OAT: variants seen among roughly 807,000 people sequenced by gnomAD.
The protein encoded by OAT is ornithine aminotransferase, mitochondrial.
In OAT, 35 loss-of-function variants were observed where a neutral mutation model predicts 48.4. The observed-to-expected ratio is 0.72, with a 90% confidence interval of 0.55 to 0.96. OAT has a LOEUF of 0.96. Ranked by LOEUF, OAT falls within the 40% of genes least tolerant of loss-of-function variation. OAT has a pLI of 0.00. For synonymous variants in OAT, 182 were observed against 198.4 expected (o/e 0.92, Z 0.70); for missense variants, 438 against 537.9 (o/e 0.81, Z 1.84).
intron 4 of OAT, 106 bp downstream of exon 4, chr10:124,408,436 T>C: frequency 1.0e-5 from 10 of 958,294 alleles, no homozygotes; most frequent in Admixed American, 2.0e-5. Flanking sequence ...TCCTCCTGCC[T>C]TGGCCTCCCA....
intron 4 of OAT, among the ~76,000 whole-genome samples, chr10:124,406,424 G>A (rs930652876): frequency 6.6e-6 from 1 of 152,146 alleles, no homozygotes; most frequent in Non-Finnish European, 1.5e-5. Flanking sequence ...CCAGGAAGCA[G>A]AGGTTGCTGT....
At chr10:124,408,339 A>T (rs1323051511) in intron 4 of OAT, among the ~76,000 whole-genome samples, 2 of 101,864 alleles carry the variant, frequency 2.0e-5, no homozygotes, top group African/African-American at 3.5e-5. Context: ...ATATATATAT[A>T]TATATTTTTT....
chr10:124,405,944 G>T, intron 4 of OAT: 1 of 1,136,788 alleles, frequency 8.8e-7, no homozygotes, highest in Non-Finnish European at 1.1e-6. Flanking sequence ...AGTGATATGA[G>T]AAAGAATATC....
chr10:124,398,515 A>C (rs1237616269), intron 9 of OAT, among the ~76,000 whole-genome samples: 1 of 152,054 alleles, frequency 6.6e-6, no homozygotes, highest in Admixed American at 6.6e-5. Context: ...CAAAAAAAAA[A>C]GAAAGGGAAG....
intron 4 of OAT, among the ~76,000 whole-genome samples, 192 bp downstream of exon 4, chr10:124,408,343 ATTTTTTT>A (rs146556713): frequency 7.2e-5 from 6 of 83,830 alleles, no homozygotes; most frequent in Admixed American, 1.8e-4. Context: ...ATATATATAT[ATTTTTTT>A]TTTTTTTTTT....
rs121965044 is a variant in OAT, at chr10:124,398,012, G to A, written c.1250C>T (p.Pro417Leu). 6.2e-5 allele frequency: 100 copies of A among 1,613,872 alleles called. No homozygotes were observed. Among genetic ancestry groups the A allele is most frequent in the Non-Finnish European group, 7.5e-5 (88 of 1,179,946 alleles). Residue 417 changes from proline (P) to leucine (L), a missense_variant, in exon 10 of 10, where the codon CCG becomes CTG. Transcript: ENST00000368845. ...AAGCTCATCCTCCTTGATCACCAGC[G>A]GAGGCGCAAACCTGATAATGTCGCC... Reference protein sequence around the residue: ...THGDIIRFAPPLVIKEDELRE... With the variant: ...THGDIIRFAPLLVIKEDELRE...
At chr10:124,401,943 G>A (rs564623430) in intron 7 of OAT, 104 bp from the exon 8 acceptor site, 49 of 818,258 alleles carry the variant, frequency 6.0e-5, no homozygotes, top group Middle Eastern at 2.2e-4. Context: ...GTGCAGTGGC[G>A]TGATCTCAGC....
Position 124,408,061 on chromosome 10 carries a change from T to C in OAT, c.520+481A>G, listed in dbSNP as rs1373415076. On this transcript the variant is annotated intron_variant, in intron 4 of 9. Transcript: ENST00000368845. The stretch of plus-strand genomic sequence containing the variant: ...TATCTAATTAACTGGATAACTGCTA[T>C]GAAAAAAATCTGACAGGCAAATGAG... Among the ~76,000 whole-genome samples the C allele has an allele frequency of 2.0e-5, 3 of 151,788 alleles. No individual in the cohort carries two copies. In the East Asian group the frequency reaches 5.8e-4, roughly 29 times the overall value.
At chr10:124,416,966 A>C (rs1220971234) in intron 1 of OAT, among the ~76,000 whole-genome samples, 2 of 152,012 alleles carry the variant, frequency 1.3e-5, no homozygotes, top group Non-Finnish European at 2.9e-5. Flanking sequence ...GCAAACAACT[A>C]GTTTTACTAC....
rs1228669055 is a variant in OAT, at chr10:124,397,356, A to AT, written c.*585dup. The AT allele has an allele frequency of 2.0e-5, 3 of 152,266 alleles. No individual in the cohort carries two copies. The highest frequency in any genetic ancestry group is 6.5e-5 in the Admixed American group (1 of 15,282). 9.4% of individuals were successfully genotyped at this position (152,266 alleles called of 1,614,324 possible). A position where few individuals can be genotyped will look rare whatever the true frequency, so the allele number is the denominator to read the frequency against. On this transcript the variant is annotated 3_prime_UTR_variant, in exon 10 of 10. Transcript: ENST00000368845. ...ATTTAAAGAAGTATTGAAAATAAAC[A>AT]TTTTTTACAAATTATAATCAAGCAC... is the stretch of plus-strand genomic sequence containing the variant.
At chr10:124,407,240 T>C (rs914448371) in intron 4 of OAT, 2 of 985,452 alleles carry the variant, frequency 2.0e-6, no homozygotes, top group South Asian at 4.7e-5. Flanking sequence ...CTATTTGCTC[T>C]CCCCTGCCTA....
intron 4 of OAT, chr10:124,406,860 T>G: frequency 2.0e-6 from 1 of 508,360 alleles, no homozygotes; most frequent in Non-Finnish European, 2.5e-6. Context: ...GCAAGATCCC[T>G]ATCCTCAGGG....
At chr10:124,411,823 A>G in intron 2 of OAT, 150 bp downstream of exon 2, 2 of 738,178 alleles carry the variant, frequency 2.7e-6, no homozygotes, top group East Asian at 2.8e-5. Context: ...CTCAAAAAAA[A>G]AAAAAAAAAA....
At position 124,401,806 on chromosome 10, in the gene OAT, G is replaced by T; in HGVS notation, c.934C>A (p.Leu312Met). 6.2e-7 allele frequency: 1 copy of T among 1,613,238 alleles called. No homozygotes were observed. Among genetic ancestry groups the T allele is most frequent in the Non-Finnish European group, 8.5e-7 (1 of 1,179,798 alleles). ...CCATGCTCCCCTGGCTTAATGGTCA[G>T]CATGATGTCATCATCACACAGCACT... ...SAVLCDDDIMLTIKPGEHGST... is the reference protein window; with the variant it reads ...SAVLCDDDIMMTIKPGEHGST... The change falls in exon 8 of 10, where the codon CTG (leucine) becomes ATG (methionine). Residue 312 changes from leucine to methionine, a missense_variant. By Grantham distance (15) the Leu-to-Met change is conservative. Transcript: ENST00000368845.
intron 9 of OAT, among the ~76,000 whole-genome samples, chr10:124,399,423 G>A (rs1030480505): frequency 3.0e-4 from 41 of 136,412 alleles, no homozygotes; most frequent in African/African-American, 1.1e-3. Context: ...TCAGCTCACT[G>A]CAAGCTCCAC....
At chr10:124,406,977 A>G in intron 4 of OAT, 1 of 985,346 alleles carries the variant, frequency 1.0e-6, no homozygotes, top group Middle Eastern at 5.2e-4. Context: ...ACCATGTAAA[A>G]TAACAGAGAG....
intron 4 of OAT, chr10:124,406,057 C>T: frequency 9.7e-7 from 1 of 1,030,786 alleles, no homozygotes; most frequent in Non-Finnish European, 1.2e-6. Flanking sequence ...TCAAGCAATC[C>T]AAACACGTTT....
chr10:124,405,383 C>G, intron 5 of OAT, 53 bp downstream of exon 5: 1 of 1,608,900 alleles, frequency 6.2e-7, no homozygotes, highest in Non-Finnish European at 8.5e-7. Flanking sequence ...ATATATTCAA[C>G]AGCTTTAATT....
At chr10:124,409,977 T>A (rs976704642) in intron 2 of OAT, among the ~76,000 whole-genome samples, 3 of 152,192 alleles carry the variant, frequency 2.0e-5, no homozygotes, top group African/African-American at 7.2e-5. Flanking sequence ...AAAAACAAGG[T>A]TGCCATGTCA....
Sources: allele counts gnomAD v4.1 joint callset (sites outside exome capture counted in the v4.1 genomes callset), GRCh38; gene constraint gnomAD v4.1.1; transcripts MANE v1.5; gene names NCBI Gene and HGNC (gene_info 2026-07-23, HGNC 2026-07-21).